WDPCP: variants seen among roughly 807,000 people sequenced by gnomAD.
WDPCP encodes WD repeat containing planar cell polarity effector, also known as WD repeat-containing and planar cell polarity effector protein fritz homolog.
Under a neutral mutation model 93.1 loss-of-function variants are expected in WDPCP, and 71 were observed. That is an observed-to-expected ratio of 0.76 (90% CI 0.63 to 0.93). WDPCP has a LOEUF of 0.93. Among genes scored for constraint, WDPCP ranks in the 40% least tolerant of loss-of-function variants. WDPCP has a pLI of 0.00. For missense variants in WDPCP, 844 were observed against 887.4 expected (o/e 0.95, Z 0.62); for synonymous variants, 315 against 315.0 (o/e 1.00, Z 0.00).
chr2:63,229,747 T>C (rs1204404027), intron 14 of WDPCP: 1 of 151,974 alleles, frequency 6.6e-6, no homozygotes, highest in African/African-American at 2.4e-5. Flanking sequence ...TAGTTGTAGA[T>C]ATGCGGCATT....
At chr2:63,577,677 T>C (rs1267979114) in intron 1 of WDPCP, among the ~76,000 whole-genome samples, 2 of 152,174 alleles carry the variant, frequency 1.3e-5, no homozygotes, top group Non-Finnish European at 2.9e-5. Context: ...AGCTCCCTGG[T>C]ATATCCCCTC....
intron 1 of WDPCP, among the ~76,000 whole-genome samples, chr2:63,495,409 T>C (rs1701163163): frequency 6.6e-6 from 1 of 152,230 alleles, no homozygotes; most frequent in East Asian, 1.9e-4. Context: ...ATTTTAGAAT[T>C]GTCATCTTAC....
At chr2:63,137,774 G>A (rs187310361) in intron 17 of WDPCP, among the ~76,000 whole-genome samples, 38 of 152,174 alleles carry the variant, frequency 2.5e-4, no homozygotes, top group African/African-American at 8.2e-4. Context: ...TCTACATATA[G>A]CTAGCTACTT....
At chr2:63,684,122 C>A (rs1668771510) in intron 2 of WDPCP, among the ~76,000 whole-genome samples, 1 of 152,154 alleles carries the variant, frequency 6.6e-6, no homozygotes, top group South Asian at 2.1e-4. Flanking sequence ...ACCAAATAAA[C>A]CTAGTAGATA....
At chr2:63,599,073 C>A in intron 3 of WDPCP, 1 of 1,278,038 alleles carries the variant, frequency 7.8e-7, no homozygotes, top group Non-Finnish European at 1.1e-6. Context: ...CTCCCCTGTA[C>A]AAAGGCTACC....
intron 2 of WDPCP, among the ~76,000 whole-genome samples, chr2:63,671,540 CT>C (rs1296783115): frequency 7.2e-5 from 11 of 151,998 alleles, no homozygotes; most frequent in African/African-American, 2.4e-4. Flanking sequence ...AGTGGTCCCC[CT>C]AATATAACCT....
chr2:63,236,300 C>A (rs142627978), intron 14 of WDPCP, among the ~76,000 whole-genome samples: 6 of 152,022 alleles, frequency 3.9e-5, no homozygotes, highest in African/African-American at 1.4e-4. Flanking sequence ...CCACAAGAAC[C>A]ACAAAACACT....
chr2:63,536,965 G>A (rs1031173405), intron 1 of WDPCP, among the ~76,000 whole-genome samples: 5 of 151,778 alleles, frequency 3.3e-5, no homozygotes, highest in African/African-American at 9.7e-5. Flanking sequence ...ATGGGGTTTC[G>A]CCATGTTGGC....
At chr2:63,392,643 A>G (rs998592774) in intron 10 of WDPCP, among the ~76,000 whole-genome samples, 2 of 152,210 alleles carry the variant, frequency 1.3e-5, no homozygotes, top group Non-Finnish European at 2.9e-5. Context: ...CCCATCTGAC[A>G]AAGGGCTAAT....
intron 14 of WDPCP, among the ~76,000 whole-genome samples, chr2:63,201,382 C>T (rs992858839): frequency 6.6e-6 from 1 of 152,110 alleles, no homozygotes; most frequent in Admixed American, 6.5e-5. Flanking sequence ...ATACAAAAAT[C>T]ATACTTGCAA....
At chr2:63,439,135 C>A (rs1034078215) in intron 7 of WDPCP, among the ~76,000 whole-genome samples, 1 of 152,030 alleles carries the variant, frequency 6.6e-6, no homozygotes, top group South Asian at 2.1e-4. Flanking sequence ...GGTTAGGAAC[C>A]CAGCATATAG....
In WDPCP at chr2:63,588,403, A is replaced by G; in HGVS notation, c.-132T>C. Reference sequence around the variant, plus strand: ...GCCACAGTTTCCTCAGGTGCTACAAAGCAGCCAGGGTGTGCGTGCGCTCCC... The same window carrying G: ...GCCACAGTTTCCTCAGGTGCTACAAGGCAGCCAGGGTGTGCGTGCGCTCCC... On this transcript the variant is annotated 5_prime_UTR_variant, in exon 1 of 18. Coordinates refer to ENST00000272321, the MANE Select transcript of WDPCP (RefSeq NM_015910.7). 1 of 1,082,478 alleles carries G rather than the reference A, an allele frequency of 9.2e-7. No individual in the cohort carries two copies. The highest frequency in any genetic ancestry group is 1.4e-6 in the Non-Finnish European group (1 of 719,726). The allele number at this position is 1,082,478 out of a possible 1,614,324, so 67.1% of individuals were successfully genotyped here. A position where few individuals can be genotyped will look rare whatever the true frequency, so the allele number is the denominator to read the frequency against.
intron 17 of WDPCP, among the ~76,000 whole-genome samples, chr2:63,130,035 A>C (rs77626409): frequency 1.1e-4 from 17 of 152,144 alleles, no homozygotes; most frequent in African/African-American, 4.1e-4. Context: ...CAGAGGGCCA[A>C]CTGTATTTTC....
At chr2:63,575,428 G>GTGTATACACTGTATATACAGTATATACAC (rs1707923004) in intron 1 of WDPCP, among the ~76,000 whole-genome samples, 1 of 30,074 alleles carries the variant, frequency 3.3e-5, no homozygotes, top group Admixed American at 3.6e-4. Flanking sequence ...ACTGTATACA[G>GTGTATACACTGTATATACAGTATATACAC]TGTATATACA....
At chr2:63,239,480 A>ATGAT (rs1338790226) in intron 14 of WDPCP, among the ~76,000 whole-genome samples, 1 of 152,200 alleles carries the variant, frequency 6.6e-6, no homozygotes, top group Non-Finnish European at 1.5e-5. Context: ...AACAAGATAC[A>ATGAT]TGATTGTAAC....
At chr2:63,289,397 T>G (rs182255569) in intron 13 of WDPCP, among the ~76,000 whole-genome samples, 1 of 152,232 alleles carries the variant, frequency 6.6e-6, no homozygotes, top group East Asian at 1.9e-4. Flanking sequence ...CATTTTAAAA[T>G]TCAATTCAAA....
At chr2:63,137,345 T>G (rs1409621990) in intron 17 of WDPCP, among the ~76,000 whole-genome samples, 1 of 152,182 alleles carries the variant, frequency 6.6e-6, no homozygotes, top group Non-Finnish European at 1.5e-5. Flanking sequence ...TTTTCATGAT[T>G]GTTGTTTGTA....
At chr2:63,688,365 C>A (rs1364128631) in intron 2 of WDPCP, among the ~76,000 whole-genome samples, 1 of 151,030 alleles carries the variant, frequency 6.6e-6, no homozygotes, top group Non-Finnish European at 1.5e-5. Context: ...AGGCGGAGCT[C>A]GCAGTGAGCC....
At chr2:63,522,087 T>G (rs1575575327) in intron 1 of WDPCP, among the ~76,000 whole-genome samples, 1 of 152,200 alleles carries the variant, frequency 6.6e-6, no homozygotes, top group Non-Finnish European at 1.5e-5. Context: ...AGAATGTGCA[T>G]GCTTGTTACA....
Sources: allele counts gnomAD v4.1 joint callset (sites outside exome capture counted in the v4.1 genomes callset), GRCh38; gene constraint gnomAD v4.1.1; transcripts MANE v1.5; gene names NCBI Gene and HGNC (gene_info 2026-07-23, HGNC 2026-07-21).